HRH1: variants seen among roughly 807,000 people sequenced by gnomAD.
HRH1 encodes histamine H1 receptor.
Under a neutral mutation model 10.3 loss-of-function variants are expected in HRH1, and 6 were observed. The observed-to-expected ratio is 0.58, with a 90% CI of 0.32 to 1.15. The LOEUF (loss-of-function observed/expected upper bound fraction) is 1.15. HRH1 is among the 50% of genes most tolerant of loss of function. The pLI is 0.05. For missense variants in HRH1, 514 were observed against 615.3 expected (o/e 0.84, Z 1.74); for synonymous variants, 242 against 236.7 (o/e 1.02, Z -0.21).
chr3:11,201,203 C>G (rs1937893160), intron 1 of HRH1, among the ~76,000 whole-genome samples: 3 of 152,214 alleles, frequency 2.0e-5, no homozygotes, highest in Admixed American at 1.3e-4. Context: ...GAAGGGGAAG[C>G]AGAGTGCACA....
chr3:11,258,392 C>G (rs935484960), intron 1 of HRH1, among the ~76,000 whole-genome samples: 1 of 152,154 alleles, frequency 6.6e-6, no homozygotes, highest in Admixed American at 6.5e-5. Context: ...TCTTGGCCTT[C>G]CCGATGGTCC....
intron 1 of HRH1, among the ~76,000 whole-genome samples, chr3:11,192,044 CCTGA>C (rs1221091123): frequency 6.6e-6 from 1 of 152,186 alleles, no homozygotes; most frequent in Non-Finnish European, 1.5e-5. Flanking sequence ...TGGGTTTCAT[CCTGA>C]CTCCCACTGG....
At chr3:11,252,527 G>T (rs1397312191) in intron 1 of HRH1, among the ~76,000 whole-genome samples, 3 of 152,184 alleles carry the variant, frequency 2.0e-5, no homozygotes, top group Non-Finnish European at 4.4e-5. Context: ...CATCAGTATT[G>T]CTGTTTTCAA....
rs201450416 is a variant in HRH1, at chr3:11,259,703, G to A, written c.666G>A (p.Gln222=). 1 of 1,614,062 alleles carries A rather than the reference G, an allele frequency of 6.2e-7. No homozygotes were observed. Among genetic ancestry groups the A allele is most frequent in the South Asian group, 1.1e-5 (1 of 91,074 alleles). The change falls in exon 2 of 2, where the codon CAG becomes CAA. Residue 222 remains glutamine (Q), a synonymous_variant. Coordinates refer to ENST00000431010, the MANE Select transcript of HRH1 (RefSeq NM_001098212.2). The surrounding 1 kb of genome is among the most constrained non-coding windows in gnomAD (Gnocchi z 4.6). ...ACAAGGCCGTACGACAACACTGCCAGCACCGGGAGCTCATCAATAGGTCCC... is the reference window on the plus strand; with the variant it reads ...ACAAGGCCGTACGACAACACTGCCAACACCGGGAGCTCATCAATAGGTCCC... ...KIYKAVRQHC[Q]HRELINRSLP...
intron 1 of HRH1, among the ~76,000 whole-genome samples, chr3:11,148,245 T>C (rs896619482): frequency 1.3e-5 from 2 of 151,344 alleles, no homozygotes; most frequent in African/African-American, 4.9e-5. Context: ...ACTGATTAAC[T>C]CTTCACAACC....
intron 1 of HRH1, among the ~76,000 whole-genome samples, chr3:11,174,428 T>A (rs76507261): frequency 0.014 from 2,064 of 152,260 alleles, 58 homozygotes; most frequent in African/African-American, 0.047. Context: ...TGATTCCCTC[T>A]GATGGCCAAA....
At chr3:11,138,109 A>G (rs1936217434) in intron 1 of HRH1, among the ~76,000 whole-genome samples, 1 of 151,432 alleles carries the variant, frequency 6.6e-6, no homozygotes, top group South Asian at 2.1e-4. Context: ...TCCGTCTCCC[A>G]GGTTCACACC....
intron 1 of HRH1, among the ~76,000 whole-genome samples, chr3:11,158,442 G>A (rs1426115967): frequency 6.6e-6 from 1 of 152,206 alleles, no homozygotes; most frequent in Non-Finnish European, 1.5e-5. Context: ...GAGTTTAGAA[G>A]CAGCAGAAAT....
intron 1 of HRH1, among the ~76,000 whole-genome samples, chr3:11,215,822 A>T (rs559239188): frequency 2.0e-5 from 3 of 152,344 alleles, no homozygotes; most frequent in African/African-American, 7.2e-5. Flanking sequence ...CAGTTAAGAC[A>T]GCTCTTCCTA....
At chr3:11,233,553 A>G (rs1310366349) in intron 1 of HRH1, among the ~76,000 whole-genome samples, 3 of 152,176 alleles carry the variant, frequency 2.0e-5, no homozygotes, top group Non-Finnish European at 4.4e-5. Flanking sequence ...CCAGACTGAG[A>G]GCCTGTGTGA....
At chr3:11,178,208 C>T (rs1937282633) in intron 1 of HRH1, among the ~76,000 whole-genome samples, 2 of 152,210 alleles carry the variant, frequency 1.3e-5, no homozygotes, top group South Asian at 2.1e-4. Flanking sequence ...AGTCCCTCGC[C>T]AGCTTCTGAC....
chr3:11,195,865 T>C (rs1473179637), intron 1 of HRH1, among the ~76,000 whole-genome samples: 3 of 152,234 alleles, frequency 2.0e-5, no homozygotes, highest in African/African-American at 4.8e-5. Context: ...AGTTACTTCC[T>C]GTGTGTCTGA....
chr3:11,172,806 A>T (rs1249536178), intron 1 of HRH1, among the ~76,000 whole-genome samples: 1 of 147,186 alleles, frequency 6.8e-6, no homozygotes, highest in Non-Finnish European at 1.5e-5. Context: ...GGTTCACGCC[A>T]TTCTCCTGCC....
At chr3:11,204,315 C>T (rs1938038814) in intron 1 of HRH1, among the ~76,000 whole-genome samples, 1 of 152,006 alleles carries the variant, frequency 6.6e-6, no homozygotes, top group Non-Finnish European at 1.5e-5. Context: ...TTAAATAATC[C>T]CATAGATAAA....
intron 1 of HRH1, among the ~76,000 whole-genome samples, chr3:11,230,782 G>GT (rs1434664625): frequency 6.6e-6 from 1 of 152,174 alleles, no homozygotes; most frequent in East Asian, 1.9e-4. Flanking sequence ...TGCGGCCAAG[G>GT]TATCAATATG....
intron 1 of HRH1, among the ~76,000 whole-genome samples, chr3:11,164,829 C>T (rs1936998226): frequency 6.6e-6 from 1 of 152,156 alleles, no homozygotes; most frequent in Admixed American, 6.5e-5. Context: ...AGCAGTGACC[C>T]GCCAAAGAAA....
chr3:11,252,117 T>A (rs1281157202), intron 1 of HRH1, among the ~76,000 whole-genome samples: 5 of 152,200 alleles, frequency 3.3e-5, no homozygotes, highest in African/African-American at 1.2e-4. Flanking sequence ...AATTGCCAAA[T>A]GATGGGGTCT....
chr3:11,176,945 T>C (rs1937259889), intron 1 of HRH1, among the ~76,000 whole-genome samples: 1 of 151,860 alleles, frequency 6.6e-6, no homozygotes. Flanking sequence ...ATACAAAAAT[T>C]AGTTGGGCGT....
chr3:11,169,039 G>T (rs1937103916), intron 1 of HRH1, among the ~76,000 whole-genome samples: 1 of 152,212 alleles, frequency 6.6e-6, no homozygotes, highest in African/African-American at 2.4e-5. Flanking sequence ...CTGAACAGCT[G>T]ACCCCTAGCC....
Sources: allele counts gnomAD v4.1 joint callset (sites outside exome capture counted in the v4.1 genomes callset), GRCh38; gene constraint gnomAD v4.1.1; non-coding constraint Gnocchi (gnomAD v3.1); transcripts MANE v1.5; gene names NCBI Gene and HGNC (gene_info 2026-07-23, HGNC 2026-07-21).